The following DOCK3 variants were observed in gnomAD, a reference collection of about 807,000 sequenced individuals.
DOCK3 encodes dedicator of cytokinesis 3.
DOCK3 carries 60 observed loss-of-function variants against 265.6 expected under a neutral mutation model. That is an observed-to-expected ratio of 0.23 (90% CI 0.18 to 0.28). The LOEUF (loss-of-function observed/expected upper bound fraction) is 0.28, where lower values mean the gene tolerates loss of function less well. Ranked by LOEUF, DOCK3 falls within the 10% of genes least tolerant of loss-of-function variation. The pLI, the probability that DOCK3 is intolerant of heterozygous loss-of-function variation, is 1.00. For missense variants in DOCK3, 1,981 were observed against 2,594.3 expected (o/e 0.76, Z 5.14); for synonymous variants, 881 against 938.0 (o/e 0.94, Z 1.11).
intron 1 of DOCK3, among the ~76,000 whole-genome samples, chr3:50,728,975 C>T (rs1176866642): frequency 3.4e-5 from 5 of 146,882 alleles, no homozygotes; most frequent in Non-Finnish European, 7.5e-5. Context: ...CTGCCCGCCT[C>T]GGCCTCCCAA....
chr3:50,837,811 A>G (rs907709684), intron 2 of DOCK3, among the ~76,000 whole-genome samples: 2 of 152,180 alleles, frequency 1.3e-5, no homozygotes, highest in Admixed American at 6.5e-5. Context: ...GTCCAGAAAT[A>G]TGGTGCAAAA....
At chr3:50,823,741 G>A (rs1233980883) in intron 2 of DOCK3, among the ~76,000 whole-genome samples, 2 of 151,926 alleles carry the variant, frequency 1.3e-5, no homozygotes, top group Non-Finnish European at 2.9e-5. Flanking sequence ...AGTAGGGGCG[G>A]CTGGGCAGAG....
intron 22 of DOCK3, among the ~76,000 whole-genome samples, chr3:51,249,327 G>T (rs1318095720): frequency 1.3e-4 from 19 of 145,990 alleles, no homozygotes; most frequent in Non-Finnish European, 2.6e-4. Flanking sequence ...GGAGGGAGGT[G>T]GGGGGTTCAG....
intron 5 of DOCK3, among the ~76,000 whole-genome samples, chr3:50,952,297 C>T (rs941450233): frequency 6.6e-6 from 1 of 152,088 alleles, no homozygotes; most frequent in African/African-American, 2.4e-5. Flanking sequence ...GTCAAATGTT[C>T]TAAAACTTTG....
At chr3:51,102,336 T>C (rs1054808620) in intron 9 of DOCK3, among the ~76,000 whole-genome samples, 2 of 152,244 alleles carry the variant, frequency 1.3e-5, no homozygotes, top group African/African-American at 4.8e-5. Flanking sequence ...AAACTGGATA[T>C]TTTAATCTTC....
intron 1 of DOCK3, among the ~76,000 whole-genome samples, chr3:50,699,886 G>A (rs1462280674): frequency 1.3e-5 from 2 of 151,980 alleles, no homozygotes; most frequent in African/African-American, 2.4e-5. Flanking sequence ...GAATACATGT[G>A]ATATTTTGAT....
chr3:50,821,905 T>G (rs1271976822), intron 2 of DOCK3, among the ~76,000 whole-genome samples: 2 of 152,178 alleles, frequency 1.3e-5, no homozygotes, highest in Non-Finnish European at 2.9e-5. Flanking sequence ...GCTGTTTTGA[T>G]TACTGTAGCC....
chr3:51,328,923 C>T (rs2084332211), intron 32 of DOCK3, among the ~76,000 whole-genome samples: 1 of 152,098 alleles, frequency 6.6e-6, no homozygotes. Context: ...GAGGCTGAGG[C>T]AGGTGGATCA....
At chr3:50,853,406 CA>C (rs2046431077) in intron 3 of DOCK3, among the ~76,000 whole-genome samples, 1 of 151,928 alleles carries the variant, frequency 6.6e-6, no homozygotes, top group African/African-American at 2.4e-5. Flanking sequence ...GAAAACCCAT[CA>C]TCCAAATAAT....
chr3:50,756,871 T>C (rs1345305483), intron 1 of DOCK3, among the ~76,000 whole-genome samples: 1 of 152,154 alleles, frequency 6.6e-6, no homozygotes, highest in African/African-American at 2.4e-5. Context: ...ATTTAAAAAT[T>C]GTGTTATCTT....
intron 9 of DOCK3, 113 bp from the exon 10 acceptor site, chr3:51,146,436 G>T: frequency 8.9e-7 from 1 of 1,125,258 alleles, no homozygotes; most frequent in Non-Finnish European, 1.3e-6. Context: ...GGCCTTGCTT[G>T]TCACTGCAAG....
At chr3:50,825,309 G>A (rs2675835) in intron 2 of DOCK3, among the ~76,000 whole-genome samples, 14,445 of 152,226 alleles carry the variant, frequency 0.095, 842 homozygotes, top group Non-Finnish European at 0.12. Context: ...GGAAACTGTC[G>A]CTTAGTAGAG....
intron 7 of DOCK3, among the ~76,000 whole-genome samples, chr3:51,086,407 G>A (rs1197483120): frequency 6.6e-6 from 1 of 152,238 alleles, no homozygotes; most frequent in Admixed American, 6.5e-5. Context: ...TTTATGGCCA[G>A]TTTTGGGGCC....
At chr3:51,304,952 T>C (rs2082570699) in intron 27 of DOCK3, among the ~76,000 whole-genome samples, 1 of 152,238 alleles carries the variant, frequency 6.6e-6, no homozygotes, top group Non-Finnish European at 1.5e-5. Context: ...ATTGGGACTT[T>C]CTTATGGCCT....
chr3:51,326,332 C>G lies in DOCK3; in HGVS notation c.3403-3806C>G, dbSNP rs554476202. Among the ~76,000 whole-genome samples, 34 of 151,394 alleles carry G rather than the reference C, an allele frequency of 2.2e-4. No individual in the cohort carries two copies. The South Asian group carries it at 7.1e-3, about 32-fold the overall frequency. ...CTGGAGTGCAGCAGCATGATCTCGGCTCACTGCAACCTCTGCCTCCCGGGT... is the reference window on the plus strand; with the variant it reads ...CTGGAGTGCAGCAGCATGATCTCGGGTCACTGCAACCTCTGCCTCCCGGGT... On this transcript the variant is annotated intron_variant, in intron 32 of 52. Transcript: ENST00000266037.
chr3:51,018,276 A>G (rs1202542742), intron 5 of DOCK3, among the ~76,000 whole-genome samples: 2 of 151,516 alleles, frequency 1.3e-5, no homozygotes, highest in Non-Finnish European at 2.9e-5. Flanking sequence ...CTAACATTTC[A>G]GTGTAATTTT....
chr3:50,978,668 T>C (rs1048420819), intron 5 of DOCK3, among the ~76,000 whole-genome samples: 1 of 152,188 alleles, frequency 6.6e-6, no homozygotes, highest in African/African-American at 2.4e-5. Context: ...TGTGGTGGGC[T>C]CCACCCAGTT....
At chr3:50,869,260 C>T (rs549274308) in intron 3 of DOCK3, among the ~76,000 whole-genome samples, 7 of 150,670 alleles carry the variant, frequency 4.6e-5, no homozygotes, top group South Asian at 2.1e-4. Flanking sequence ...AGGCGTGAGC[C>T]GCTGCGCCCA....
chr3:50,766,470 G>T (rs1405798942), intron 1 of DOCK3, among the ~76,000 whole-genome samples: 2 of 152,016 alleles, frequency 1.3e-5, no homozygotes, highest in African/African-American at 4.8e-5. Context: ...TTTTATGGCT[G>T]CATAGTATTC....
Sources: gnomAD v4.1 joint callset for allele counts (sites outside exome capture counted in the v4.1 genomes callset) on GRCh38, gnomAD v4.1.1 for gene constraint, MANE v1.5 for transcripts, NCBI Gene and HGNC (gene_info 2026-07-23, HGNC 2026-07-21) for gene names.